Variants in GLI2 observed in about 807,000 individuals in gnomAD.
GLI2 encodes transcription activator GLI2.
A neutral mutation model predicts 78.9 loss-of-function variants in GLI2; 22 were observed. That is an observed-to-expected ratio of 0.28 (90% confidence interval 0.20 to 0.40). The LOEUF (loss-of-function observed/expected upper bound fraction) is 0.40. Ranked by LOEUF, GLI2 falls within the 10% of genes least tolerant of loss-of-function variation. The probability of loss-of-function intolerance (pLI) is 1.00; values close to 1 mark genes in which losing one functional copy is unlikely to be tolerated. For synonymous variants in GLI2, 974 were observed against 963.7 expected (o/e 1.01, Z -0.20); for missense variants, 2,097 against 2,213.2 (o/e 0.95, Z 1.05).
chr2:120,914,407 C>T (rs1367502800), intron 2 of GLI2, among the ~76,000 whole-genome samples: 1 of 152,244 alleles, frequency 6.6e-6, no homozygotes, highest in Non-Finnish European at 1.5e-5. Flanking sequence ...TCCCTGGGAG[C>T]CATGGTCCTC....
chr2:120,931,800 C>A (rs1679955006), intron 3 of GLI2, among the ~76,000 whole-genome samples: 1 of 152,182 alleles, frequency 6.6e-6, no homozygotes, highest in Non-Finnish European at 1.5e-5. Context: ...GGCAAGGAGA[C>A]CAGGCTCTGG....
At chr2:120,892,910 C>A (rs1194474765) in intron 2 of GLI2, among the ~76,000 whole-genome samples, 1 of 152,226 alleles carries the variant, frequency 6.6e-6, no homozygotes, top group Non-Finnish European at 1.5e-5. Context: ...GTCTCAGGTT[C>A]TGCCCCTAAG....
intron 2 of GLI2, among the ~76,000 whole-genome samples, chr2:120,922,011 G>T (rs1679401827): frequency 1.3e-5 from 2 of 152,114 alleles, no homozygotes; most frequent in South Asian, 2.1e-4. Flanking sequence ...CCTCTCCCAG[G>T]TGGATTTCCT....
Position 120,989,325 on chromosome 2 carries a change from G to C in GLI2, c.3360G>C (p.Leu1120=). The C allele has an allele frequency of 2.5e-6, 4 of 1,613,052 alleles. No homozygotes were observed. Among genetic ancestry groups the C allele is most frequent in the Non-Finnish European group, 3.4e-6 (4 of 1,180,014 alleles). The change falls in exon 14 of 14, where the codon CTG becomes CTC. Residue 1120 remains leucine (L), a synonymous_variant. Coordinates refer to ENST00000361492, the MANE Select transcript of GLI2 (RefSeq NM_001374353.1). ...TAGGCTTTGGGGCGCCCTCCAGCCT[G>C]AACAAAAATAACATGCCTGTGCAGT... is the stretch of plus-strand genomic sequence containing the variant. ...CQLGFGAPSS[L]NKNNMPVQWN... is the part of the protein sequence containing the mutation.
intron 2 of GLI2, among the ~76,000 whole-genome samples, chr2:120,822,044 C>T (rs960566637): frequency 6.6e-6 from 1 of 152,228 alleles, no homozygotes; most frequent in Admixed American, 6.5e-5. Context: ...GCTGTGGTGG[C>T]TAAGACCGGG....
At chr2:120,973,901 A>G (rs1318722684) in intron 8 of GLI2, among the ~76,000 whole-genome samples, 7 of 152,144 alleles carry the variant, frequency 4.6e-5, no homozygotes, top group Admixed American at 1.3e-4. Context: ...TTCCATTCCC[A>G]GAAAGGGACT....
intron 2 of GLI2, among the ~76,000 whole-genome samples, chr2:120,893,279 C>T (rs1304618064): frequency 6.6e-6 from 1 of 152,206 alleles, no homozygotes; most frequent in Non-Finnish European, 1.5e-5. Flanking sequence ...TAACCAAGCC[C>T]AGCCCCTGAA....
intron 2 of GLI2, among the ~76,000 whole-genome samples, chr2:120,922,325 C>A (rs1405371544): frequency 6.6e-6 from 1 of 152,194 alleles, no homozygotes; most frequent in Non-Finnish European, 1.5e-5. Flanking sequence ...GGTCTTACTC[C>A]TTGCAACTTG....
chr2:120,797,341 C>G lies in GLI2; in HGVS notation c.21C>G (p.Ala7=). 1 of 1,614,040 alleles carries G rather than the reference C, an allele frequency of 6.2e-7. No individual in the cohort carries two copies. Among genetic ancestry groups the G allele is most frequent in the Non-Finnish European group, 8.5e-7 (1 of 1,179,986 alleles). METSAS[A]TASEKQEAKS... Reference sequence around the variant, plus strand: ...CTGAGATGGAGACGTCTGCCTCAGCCACTGCCTCCGAGAAGCAAGAAGCCA... The same window carrying G: ...CTGAGATGGAGACGTCTGCCTCAGCGACTGCCTCCGAGAAGCAAGAAGCCA... The change falls in exon 2 of 14, where the codon GCC becomes GCG. Residue 7 remains alanine, a synonymous_variant. Coordinates refer to ENST00000361492, the MANE Select transcript of GLI2 (RefSeq NM_001374353.1).
intron 1 of GLI2, among the ~76,000 whole-genome samples, chr2:120,792,609 G>C (rs1558798290): frequency 1.3e-5 from 2 of 152,128 alleles, no homozygotes; most frequent in Non-Finnish European, 2.9e-5. Flanking sequence ...GCTTTAACTG[G>C]AACTTGTAGA....
At chr2:120,739,921 G>A (rs1364890987) in intron 1 of GLI2, among the ~76,000 whole-genome samples, 1 of 152,180 alleles carries the variant, frequency 6.6e-6, no homozygotes. Context: ...CTCTCTAATT[G>A]TTTCCTCAGG....
intron 1 of GLI2, among the ~76,000 whole-genome samples, chr2:120,772,326 C>T (rs963301051): frequency 6.6e-6 from 1 of 151,802 alleles, no homozygotes; most frequent in African/African-American, 2.4e-5. Context: ...TCCAGCTCCC[C>T]AAGACTCAGC....
Position 120,989,917 on chromosome 2 carries a change from G to C in GLI2, c.3952G>C (p.Glu1318Gln). The change falls in exon 14 of 14, where the codon GAG (glutamate) becomes CAG (glutamine). Residue 1318 changes from glutamate (E) to glutamine (Q), a missense_variant. Transcript: ENST00000361492. ...SHHLAASMSQ[E>Q]GYHQVPSLLP... ...TCACCTGGCAGCCTCCATGAGCCAG[G>C]AGGGCTACCACCAGGTCCCCAGCCT... 6.2e-7 allele frequency: 1 copy of C among 1,612,710 alleles called. No homozygotes were observed. The highest frequency in any genetic ancestry group is 8.5e-7 in the Non-Finnish European group (1 of 1,179,848).
Position 120,988,871 on chromosome 2 carries a change from G to A in GLI2, c.2906G>A (p.Arg969His), listed in dbSNP as rs773752490. 9 of 1,499,860 alleles carry A rather than the reference G, an allele frequency of 6.0e-6. No homozygotes were observed. The highest frequency in any genetic ancestry group is 2.7e-6 in the Non-Finnish European group (3 of 1,126,962). The allele number at this position is 1,499,860 out of a possible 1,614,324, so 92.9% of individuals were successfully genotyped here. A position where few individuals can be genotyped will look rare whatever the true frequency, so the allele number is the denominator to read the frequency against. Residue 969 changes from arginine (R) to histidine (H), a missense_variant, in exon 14 of 14, where the codon CGC becomes CAC. This residue lies in a region of GLI2 where 1,290 missense variants were observed against 1,261.7 expected (regional missense o/e 1.02). Coordinates refer to ENST00000361492, the MANE Select transcript of GLI2 (RefSeq NM_001374353.1). ...GCCCTGTCCCTGCCGCGGGTGCAGC[G>A]CTTCCACAGCACCCACAACGTGAAC... ...PDALSLPRVQ[R>H]FHSTHNVNPG... is the part of the protein sequence containing the mutation.
intron 3 of GLI2, among the ~76,000 whole-genome samples, chr2:120,933,961 G>T (rs920757518): frequency 6.6e-6 from 1 of 152,118 alleles, no homozygotes; most frequent in African/African-American, 2.4e-5. Context: ...CCCATGCAGA[G>T]GTTCCCAAAC....
At chr2:120,859,452 CTTTTTTTTTTTTT>C (rs57311162) in intron 2 of GLI2, among the ~76,000 whole-genome samples, 3 of 125,486 alleles carry the variant, frequency 2.4e-5, no homozygotes, top group Non-Finnish European at 3.3e-5. Flanking sequence ...ATACTCCCTC[CTTTTTTTTTTTTT>C]TTTTTTTTTT....
At chr2:120,854,442 C>G (rs1320391718) in intron 2 of GLI2, among the ~76,000 whole-genome samples, 1 of 152,150 alleles carries the variant, frequency 6.6e-6, no homozygotes, top group Non-Finnish European at 1.5e-5. Context: ...AGTGCTGCTT[C>G]AAGGGGGGCT....
At position 120,862,460 on chromosome 2, in the gene GLI2, G is replaced by A. The variant is rs1034827658; in HGVS notation, c.149-64901G>A. Among the ~76,000 whole-genome samples the A allele has an allele frequency of 4.6e-5, 7 of 152,126 alleles. No homozygotes were observed. The East Asian group carries it at 1.2e-3, about 25-fold the overall frequency. ...TGTCTGCCCTGCCACTAAGGTATCC[G>A]TGTGACTTCAGGCATCCCTGTTTCC... On this transcript the variant is annotated intron_variant, in intron 2 of 13. Transcript: ENST00000361492.
At chr2:120,831,817 G>T (rs1040424007) in intron 2 of GLI2, among the ~76,000 whole-genome samples, 7 of 152,194 alleles carry the variant, frequency 4.6e-5, no homozygotes, top group Non-Finnish European at 8.8e-5. Flanking sequence ...GGGTTGTTGT[G>T]AGGATTCAGT....
Sources: gnomAD v4.1 joint callset for allele counts (sites outside exome capture counted in the v4.1 genomes callset) on GRCh38, gnomAD v4.1.1 for gene constraint, gnomAD v4.1.1 regional missense constraint, MANE v1.5 for transcripts, NCBI Gene and HGNC (gene_info 2026-07-23, HGNC 2026-07-21) for gene names.